The following AGAP1 variants were observed in gnomAD, a reference collection of about 807,000 sequenced individuals.
AGAP1 encodes arf-GAP with GTPase, ANK repeat and PH domain-containing protein 1.
A neutral mutation model predicts 105.3 loss-of-function variants in AGAP1; 29 were observed. The ratio of observed to expected loss-of-function variants is 0.28; its 90% CI spans 0.21 to 0.38. AGAP1 has a LOEUF of 0.38. Ranked by LOEUF, AGAP1 falls within the 10% of genes least tolerant of loss-of-function variation. The probability of loss-of-function intolerance (pLI) is 1.00; values close to 1 mark genes in which losing one functional copy is unlikely to be tolerated. For synonymous variants in AGAP1, 509 were observed against 485.9 expected, an observed-to-expected ratio of 1.05 and a Z score of -0.63; for missense variants, 998 against 1,165.1, an observed-to-expected ratio of 0.86 and a Z score of 2.09.
rs925590765 is a variant in AGAP1, at chr2:236,083,907, A to G, written c.2114+34626A>G. Among the ~76,000 whole-genome samples, 2 of 152,216 alleles carry G rather than the reference A, an allele frequency of 1.3e-5. No individual in the cohort carries two copies. The highest frequency in any genetic ancestry group is 6.5e-5 in the Admixed American group (1 of 15,286). On this transcript the variant is annotated intron_variant, in intron 16 of 17. Coordinates refer to ENST00000304032, the MANE Select transcript of AGAP1 (RefSeq NM_001037131.3). This position sits in a 1 kb window ranked among gnomAD's most constrained non-coding sequence, Gnocchi z 5.3. Reference sequence around the variant, plus strand: ...TGTGTATGCACACACACGTGCACACATACACACACAGGCACACATATGCAC... The same window carrying G: ...TGTGTATGCACACACACGTGCACACGTACACACACAGGCACACATATGCAC...
At chr2:235,638,923 C>T (rs957372843) in intron 1 of AGAP1, among the ~76,000 whole-genome samples, 1 of 152,144 alleles carries the variant, frequency 6.6e-6, no homozygotes, top group African/African-American at 2.4e-5. Context: ...CTACTAGATG[C>T]CAGTAACATC....
intron 1 of AGAP1, among the ~76,000 whole-genome samples, chr2:235,687,557 T>G (rs1001114941): frequency 3.3e-5 from 5 of 152,232 alleles, no homozygotes; most frequent in African/African-American, 9.6e-5. Context: ...ATATATTGGA[T>G]GTATATCAGT....
rs571263606 is a variant in AGAP1, at chr2:235,992,212, G to A, written c.1645+23589G>A. Among the ~76,000 whole-genome samples the A allele has an allele frequency of 4.6e-5, 7 of 152,196 alleles. No homozygotes were observed. Among genetic ancestry groups the A allele is most frequent in the African/African-American group, 1.7e-4 (7 of 41,544 alleles). On this transcript the variant is annotated intron_variant, in intron 13 of 17. Coordinates refer to ENST00000304032, the MANE Select transcript of AGAP1 (RefSeq NM_001037131.3). This position sits in a 1 kb window ranked among gnomAD's most constrained non-coding sequence, Gnocchi z 4.8. Reference sequence around the variant, plus strand: ...CGCAGCGGAGGAGCCGGTCTTCCTGGGTCCATGTTGCGTGGTTAGGAGCGC... The same window carrying A: ...CGCAGCGGAGGAGCCGGTCTTCCTGAGTCCATGTTGCGTGGTTAGGAGCGC...
rs760013774 is a variant in AGAP1, at chr2:235,824,167, C to T, written c.1050+16836C>T. Among the ~76,000 whole-genome samples, 1 of 152,228 alleles carries T rather than the reference C, an allele frequency of 6.6e-6. No individual in the cohort carries two copies. Among genetic ancestry groups the T allele is most frequent in the African/African-American group, 2.4e-5 (1 of 41,462 alleles). ...TACTGCAGAAACGTTTTCTAAATAGCGCCAACGCTGAGGGGTCTTCGATTG... is the reference window on the plus strand; with the variant it reads ...TACTGCAGAAACGTTTTCTAAATAGTGCCAACGCTGAGGGGTCTTCGATTG... On this transcript the variant is annotated intron_variant, in intron 9 of 17. Coordinates refer to ENST00000304032, the MANE Select transcript of AGAP1 (RefSeq NM_001037131.3). This position sits in a 1 kb window ranked among gnomAD's most constrained non-coding sequence, Gnocchi z 5.2.
At chr2:235,686,556 T>TATACACAC (rs550721460) in intron 1 of AGAP1, among the ~76,000 whole-genome samples, 1,279 of 101,728 alleles carry the variant, frequency 0.013, 30 homozygotes, top group African/African-American at 0.05. Flanking sequence ...GATATATATA[T>TATACACAC]ACACACACAC....
chr2:235,543,218 A>C (rs1010801995), intron 1 of AGAP1, among the ~76,000 whole-genome samples: 6 of 151,510 alleles, frequency 4.0e-5, no homozygotes, highest in African/African-American at 1.5e-4. Flanking sequence ...ATATCATCAC[A>C]GTCATCAACA....
At chr2:236,063,948 G>A (rs779064500) in intron 16 of AGAP1, among the ~76,000 whole-genome samples, 12 of 152,184 alleles carry the variant, frequency 7.9e-5, no homozygotes, top group African/African-American at 1.2e-4. Flanking sequence ...TCTGATGTAC[G>A]TGATCTAATA....
At position 235,659,255 on chromosome 2, in the gene AGAP1, A is replaced by G. The variant is rs147005024; in HGVS notation, c.164-49924A>G. ...CTTTTTAACCTGTGACTGACTTTTT[A>G]TGTCTTTCTATGTCTGTAAAATCGG... On this transcript the variant is annotated intron_variant, in intron 1 of 17. Coordinates refer to ENST00000304032, the MANE Select transcript of AGAP1 (RefSeq NM_001037131.3). This position sits in a 1 kb window ranked among gnomAD's most constrained non-coding sequence, Gnocchi z 5.0. Among the ~76,000 whole-genome samples, 40 of 152,088 alleles carry G rather than the reference A, an allele frequency of 2.6e-4. 1 individual carries two copies. The South Asian group carries it at 7.7e-3, about 29-fold the overall frequency.
intron 9 of AGAP1, 35 bp downstream of exon 9, chr2:235,807,366 C>G: frequency 6.5e-7 from 1 of 1,548,552 alleles, no homozygotes; most frequent in Non-Finnish European, 8.7e-7. Flanking sequence ...TCCCTGTCGC[C>G]GGAGATACAC....
intron 13 of AGAP1, among the ~76,000 whole-genome samples, chr2:236,034,435 T>G (rs774210302): frequency 2.6e-5 from 4 of 152,114 alleles, no homozygotes. Context: ...TGTTTCATTC[T>G]GCATAAATAC....
rs916657377 is a variant in AGAP1 at position 235,769,329 on chromosome 2, A to G, written c.673+18841A>G. On this transcript the variant is annotated intron_variant, in intron 6 of 17. Transcript: ENST00000304032. The surrounding 1 kb of genome is among the most constrained non-coding windows in gnomAD (Gnocchi z 4.4). ...TGGGCTGCTGAGTGGGGCGTGCCCA[A>G]CTCTTTCTGCTTTGAGTTTTCTTTT... Among the ~76,000 whole-genome samples the G allele has an allele frequency of 4.6e-5, 7 of 151,738 alleles. No individual in the cohort carries two copies. Among genetic ancestry groups the G allele is most frequent in the Non-Finnish European group, 1.0e-4 (7 of 67,958 alleles).
intron 12 of AGAP1, among the ~76,000 whole-genome samples, chr2:235,943,722 T>C (rs1052177239): frequency 2.0e-5 from 3 of 152,162 alleles, no homozygotes; most frequent in Non-Finnish European, 4.4e-5. Context: ...GAGTGGTGTT[T>C]AAAATGAACA....
At chr2:235,702,074 G>C (rs996120721) in intron 1 of AGAP1, among the ~76,000 whole-genome samples, 1 of 151,906 alleles carries the variant, frequency 6.6e-6, no homozygotes, top group African/African-American at 2.4e-5. Flanking sequence ...CCTTTTTTTA[G>C]CCTTGTGTAT....
At chr2:235,907,489 C>A (rs115315770) in intron 10 of AGAP1, among the ~76,000 whole-genome samples, 352 of 152,276 alleles carry the variant, frequency 2.3e-3, no homozygotes, top group African/African-American at 8.0e-3. Context: ...AACTTAATTA[C>A]TTTTAACAAA....
chr2:235,571,389 A>G (rs1322668243), intron 1 of AGAP1, among the ~76,000 whole-genome samples: 1 of 152,226 alleles, frequency 6.6e-6, no homozygotes, highest in Non-Finnish European at 1.5e-5. Flanking sequence ...CTTGTGGCTA[A>G]ATTTAAGTGA....
At chr2:235,584,885 C>T (rs1031138936) in intron 1 of AGAP1, among the ~76,000 whole-genome samples, 1 of 137,992 alleles carries the variant, frequency 7.2e-6, no homozygotes. Context: ...TATCGTGTAT[C>T]GTGGCTAAGT....
rs893546033 is a variant in AGAP1 at position 235,906,253 on chromosome 2, G to A, written c.1156-2485G>A. 6.6e-5 allele frequency among the ~76,000 whole-genome samples: 10 copies of A among 152,206 alleles called. No homozygotes were observed. Among genetic ancestry groups the A allele is most frequent in the African/African-American group, 2.4e-4 (10 of 41,458 alleles). ...CGTGCCAGGGTTTTCTGCCTGGATA[G>A]CCTGTCTGTCCTTTGCCGGGGAATG... On this transcript the variant is annotated intron_variant, in intron 10 of 17. Coordinates refer to ENST00000304032, the MANE Select transcript of AGAP1 (RefSeq NM_001037131.3). This position sits in a 1 kb window ranked among gnomAD's most constrained non-coding sequence, Gnocchi z 5.3.
At chr2:236,091,148 G>A (rs922176441) in intron 16 of AGAP1, among the ~76,000 whole-genome samples, 29 of 152,304 alleles carry the variant, frequency 1.9e-4, no homozygotes, top group African/African-American at 5.3e-4. Flanking sequence ...ATATCTGCAC[G>A]CATTTTTATG....
intron 1 of AGAP1, among the ~76,000 whole-genome samples, chr2:235,537,184 G>A (rs578259327): frequency 4.1e-4 from 63 of 152,354 alleles, no homozygotes; most frequent in African/African-American, 1.5e-3. Flanking sequence ...CGGTACCACA[G>A]CTAGCAAAGG....
Sources: gnomAD v4.1 joint callset for allele counts (sites outside exome capture counted in the v4.1 genomes callset) on GRCh38, gnomAD v4.1.1 for gene constraint, Gnocchi (gnomAD v3.1) non-coding constraint, MANE v1.5 for transcripts, NCBI Gene and HGNC (gene_info 2026-07-23, HGNC 2026-07-21) for gene names.